Variants in STAU1 observed in about 807,000 individuals in gnomAD.
The protein encoded by STAU1 is double-stranded RNA-binding protein Staufen homolog 1.
A neutral mutation model predicts 62.9 loss-of-function variants in STAU1; 13 were observed. The ratio of observed to expected loss-of-function variants is 0.21; its 90% CI spans 0.13 to 0.33. STAU1 has a LOEUF of 0.33. STAU1 is among the 10% of genes least tolerant of loss of function. The probability of loss-of-function intolerance (pLI) is 1.00; values close to 1 mark genes in which losing one functional copy is unlikely to be tolerated. For synonymous variants in STAU1, 269 were observed against 265.1 expected, an observed-to-expected ratio of 1.01 and a Z score of -0.14; for missense variants, 571 against 712.1, an observed-to-expected ratio of 0.80 and a Z score of 2.25.
At chr20:49,211,458 T>G in the STAU1 span, among the ~76,000 whole-genome samples, 2 of 151,332 alleles carry the variant, frequency 1.3e-5, no homozygotes, top group African/African-American at 2.4e-5. Flanking sequence ...CATAGCACAA[T>G]GCAGTCTTGA....
chr20:49,175,685 T>G (rs973649522), intron 1 of STAU1, among the ~76,000 whole-genome samples: 1 of 151,656 alleles, frequency 6.6e-6, no homozygotes, highest in Non-Finnish European at 1.5e-5. Context: ...GGCAGGGTTT[T>G]GCCAAGTTGT....
chr20:49,209,147 G>C, the STAU1 span, among the ~76,000 whole-genome samples: 1 of 151,328 alleles, frequency 6.6e-6, no homozygotes, highest in Non-Finnish European at 1.5e-5. Context: ...GTTGGCCAGA[G>C]TGGTGTCGAA....
chr20:49,213,213 C>T, the STAU1 span, among the ~76,000 whole-genome samples: 1 of 151,664 alleles, frequency 6.6e-6, no homozygotes, highest in South Asian at 2.1e-4. Flanking sequence ...GGGGGTCTCA[C>T]TATGTTGCCC....
In STAU1 at chr20:49,113,385, T is replaced by G. The variant is rs957267055; in HGVS notation, c.*1493A>C. ...ATCAATGGTTTGATATAAAGTTATT[T>G]CAGATCTTCAGACTTTTGCCCAGAT... On this transcript the variant is annotated 3_prime_UTR_variant, in exon 14 of 14. Transcript: ENST00000371856. The G allele has an allele frequency of 4.6e-5, 7 of 152,652 alleles. No individual in the cohort carries two copies. The highest frequency in any genetic ancestry group is 1.2e-4 in the African/African-American group (5 of 41,448). The allele number at this position is 152,652 out of a possible 1,614,324, so 9.5% of individuals were successfully genotyped here.
chr20:49,119,927 T>C (rs1178101753), intron 9 of STAU1, 55 bp downstream of exon 9: 2 of 1,577,964 alleles, frequency 1.3e-6, no homozygotes, highest in Non-Finnish European at 8.6e-7. Context: ...GGTGCCCCAG[T>C]TCCCTAGGGT....
chr20:49,203,709 C>T, the STAU1 span, among the ~76,000 whole-genome samples: 13 of 152,052 alleles, frequency 8.5e-5, no homozygotes, highest in Non-Finnish European at 1.5e-4. Flanking sequence ...TTTTTTGAGA[C>T]GGAGTCTCGC....
the STAU1 span, among the ~76,000 whole-genome samples, chr20:49,203,567 C>T: frequency 6.6e-6 from 1 of 152,068 alleles, no homozygotes; most frequent in African/African-American, 2.4e-5. Context: ...GAGAGGAAAG[C>T]TTGGGGATAA....
the STAU1 span, among the ~76,000 whole-genome samples, chr20:49,202,581 A>G: frequency 6.6e-6 from 1 of 151,854 alleles, no homozygotes; most frequent in African/African-American, 2.4e-5. Context: ...TAAAAAATAA[A>G]TAAATAAATA....
At chr20:49,206,881 G>A in the STAU1 span, among the ~76,000 whole-genome samples, 3 of 150,530 alleles carry the variant, frequency 2.0e-5, no homozygotes, top group Non-Finnish European at 4.4e-5. Flanking sequence ...TCAGCCTCCC[G>A]AGTAGCTGGG....
intron 1 of STAU1, 26 bp from the exon 2 acceptor site, chr20:49,174,295 TTAG>T (rs2093631964): frequency 6.6e-6 from 1 of 152,102 alleles, no homozygotes; most frequent in African/African-American, 2.4e-5. Flanking sequence ...TAATAATAAT[TTAG>T]TAGGGTAGGT....
intron 3 of STAU1, among the ~76,000 whole-genome samples, chr20:49,164,411 C>CT (rs973229737): frequency 6.6e-6 from 1 of 151,886 alleles, no homozygotes; most frequent in Non-Finnish European, 1.5e-5. Context: ...AGTGACCCTC[C>CT]TGCCTCAGCC....
At chr20:49,125,820 G>A (rs2145908507) in intron 6 of STAU1, among the ~76,000 whole-genome samples, 1 of 152,116 alleles carries the variant, frequency 6.6e-6, no homozygotes, top group Non-Finnish European at 1.5e-5. Context: ...TCCAGCCTGG[G>A]TGACAGAGTG....
chr20:49,119,555 C>T (rs896811227), intron 9 of STAU1, among the ~76,000 whole-genome samples: 2 of 152,200 alleles, frequency 1.3e-5, no homozygotes, highest in African/African-American at 4.8e-5. Flanking sequence ...CCTGTCTCTA[C>T]TGTCACACTG....
intron 2 of STAU1, among the ~76,000 whole-genome samples, chr20:49,168,286 G>A (rs767284428): frequency 6.6e-6 from 1 of 151,976 alleles, no homozygotes; most frequent in Non-Finnish European, 1.5e-5. Context: ...TCGCCAGGTT[G>A]GCCAGGCTGC....
At chr20:49,214,565 T>C in the STAU1 span, among the ~76,000 whole-genome samples, 40 of 150,922 alleles carry the variant, frequency 2.7e-4, no homozygotes, top group Non-Finnish European at 4.4e-4. Flanking sequence ...GGTCCATGTC[T>C]AGGAGATAAT....
chr20:49,131,957 G>A (rs1453572118), intron 6 of STAU1, among the ~76,000 whole-genome samples: 1 of 151,824 alleles, frequency 6.6e-6, no homozygotes, highest in Non-Finnish European at 1.5e-5. Context: ...CTTTTAGATA[G>A]ATTTGAAATT....
intron 13 of STAU1, 70 bp downstream of exon 13, chr20:49,115,712 G>C (rs1600580463): frequency 1.5e-6 from 2 of 1,319,076 alleles, no homozygotes; most frequent in East Asian, 2.3e-5. Context: ...TCAGCAGATA[G>C]TGTAAACTCA....
At chr20:49,180,336 C>CCG (rs1307370653) in intron 1 of STAU1, among the ~76,000 whole-genome samples, 1 of 150,734 alleles carries the variant, frequency 6.6e-6, no homozygotes, top group African/African-American at 2.4e-5. Flanking sequence ...TTTTTTTCCC[C>CCG]CCCTGGATAC....
intron 5 of STAU1, among the ~76,000 whole-genome samples, chr20:49,138,624 CCT>C (rs2092941359): frequency 6.6e-6 from 1 of 152,108 alleles, no homozygotes; most frequent in Admixed American, 6.6e-5. Context: ...ATCTCACCCT[CCT>C]GAGTAGCTGG....
Sources: allele counts gnomAD v4.1 joint callset (sites outside exome capture counted in the v4.1 genomes callset), GRCh38; gene constraint gnomAD v4.1.1; transcripts MANE v1.5; gene names NCBI Gene and HGNC (gene_info 2026-07-23, HGNC 2026-07-21).